The following ADORA1 variants were observed in gnomAD, a reference collection of about 807,000 sequenced individuals.
ADORA1 encodes the protein adenosine A1 receptor.
A neutral mutation model predicts 19.9 loss-of-function variants in ADORA1; 6 were observed. That is an observed-to-expected ratio of 0.30 (90% confidence interval 0.17 to 0.59). The LOEUF (loss-of-function observed/expected upper bound fraction) is 0.59, where lower values mean the gene tolerates loss of function less well. Ranked by LOEUF, ADORA1 falls within the 20% of genes least tolerant of loss-of-function variation. ADORA1 has a pLI of 0.87. For missense variants in ADORA1, 302 were observed against 439.2 expected (o/e 0.69, Z 2.79); for synonymous variants, 194 against 188.4 (o/e 1.03, Z -0.24).
At chr1:203,143,194 A>G (rs1654749459) in intron 3 of ADORA1, among the ~76,000 whole-genome samples, 1 of 152,214 alleles carries the variant, frequency 6.6e-6, no homozygotes, top group African/African-American at 2.4e-5. Context: ...GGGAAGTCCA[A>G]GAGCACAGTG....
intron 3 of ADORA1, among the ~76,000 whole-genome samples, chr1:203,142,825 T>A (rs557395907): frequency 6.6e-6 from 1 of 152,168 alleles, no homozygotes; most frequent in East Asian, 1.9e-4. Flanking sequence ...AAGTGAGGGC[T>A]CCCCTGGGGC....
intron 3 of ADORA1, among the ~76,000 whole-genome samples, chr1:203,134,379 A>G (rs1352565972): frequency 6.6e-6 from 1 of 152,234 alleles, no homozygotes; most frequent in African/African-American, 2.4e-5. Flanking sequence ...TTGCTTTGTG[A>G]TTGAGAAGAT....
chr1:203,130,556 G>A (rs1002209152), intron 3 of ADORA1, among the ~76,000 whole-genome samples: 2 of 152,220 alleles, frequency 1.3e-5, no homozygotes, highest in African/African-American at 4.8e-5. Context: ...CTCATCCACT[G>A]AGGGGCCCAC....
rs1356692469 is a variant in ADORA1, at chr1:203,151,441, G to T, written c.342-13820G>T. 4.6e-5 allele frequency among the ~76,000 whole-genome samples: 7 copies of T among 152,228 alleles called. No homozygotes were observed. In the East Asian group the frequency reaches 5.8e-4, roughly 13 times the overall value. Reference sequence around the variant, plus strand: ...TGTGAAATAGATATGGAAACCATGTGACTGGCCTTCCAAAGTGAAACAGAA... The same window carrying T: ...TGTGAAATAGATATGGAAACCATGTTACTGGCCTTCCAAAGTGAAACAGAA... On this transcript the variant is annotated intron_variant, in intron 3 of 3. Coordinates refer to ENST00000337894, the MANE Select transcript of ADORA1 (RefSeq NM_000674.3).
At chr1:203,158,714 G>A (rs975241967) in intron 3 of ADORA1, among the ~76,000 whole-genome samples, 3 of 152,290 alleles carry the variant, frequency 2.0e-5, no homozygotes, top group South Asian at 2.1e-4. Context: ...CTGAAACTGG[G>A]TAATTTATAA....
intron 3 of ADORA1, among the ~76,000 whole-genome samples, chr1:203,149,068 G>A (rs1654950903): frequency 6.6e-6 from 1 of 152,072 alleles, no homozygotes; most frequent in Admixed American, 6.6e-5. Context: ...AGTAGAGACA[G>A]GGTTTCACCA....
rs1048196349 is a variant in ADORA1 at position 203,167,100 on chromosome 1, G to A, written c.*1200G>A. On this transcript the variant is annotated 3_prime_UTR_variant, in exon 4 of 4. Transcript: ENST00000337894. Reference sequence around the variant, plus strand: ...GGGTCTAGGACTTTAGGGATCTGGGGAAGGACCAACCCATGCCCTGCCAAG... The same window carrying A: ...GGGTCTAGGACTTTAGGGATCTGGGAAAGGACCAACCCATGCCCTGCCAAG... The A allele has an allele frequency of 2.0e-5, 3 of 152,626 alleles. No individual in the cohort carries two copies. Among genetic ancestry groups the A allele is most frequent in the African/African-American group, 7.2e-5 (3 of 41,412 alleles). 9.5% of individuals were successfully genotyped at this position (152,626 alleles called of 1,614,324 possible).
At chr1:203,149,430 G>A (rs146614740) in intron 3 of ADORA1, among the ~76,000 whole-genome samples, 1 of 152,272 alleles carries the variant, frequency 6.6e-6, no homozygotes, top group East Asian at 1.9e-4. Flanking sequence ...ACTGCCAGCA[G>A]CTAACATGCT....
At chr1:203,140,483 T>C (rs1654645431) in intron 3 of ADORA1, among the ~76,000 whole-genome samples, 1 of 152,120 alleles carries the variant, frequency 6.6e-6, no homozygotes, top group African/African-American at 2.4e-5. Context: ...ACGATTCAGA[T>C]CCTATTAGGT....
At chr1:203,154,101 A>G (rs878941880) in intron 3 of ADORA1, among the ~76,000 whole-genome samples, 1 of 152,216 alleles carries the variant, frequency 6.6e-6, no homozygotes, top group Non-Finnish European at 1.5e-5. Context: ...CATGAGGAGC[A>G]GGTGATGAGA....
intron 3 of ADORA1, among the ~76,000 whole-genome samples, chr1:203,141,693 G>T (rs1654698427): frequency 7.0e-6 from 1 of 143,370 alleles, no homozygotes; most frequent in African/African-American, 2.6e-5. Flanking sequence ...TGATTCTCCT[G>T]CCTCAGCCTC....
At chr1:203,161,728 C>T (rs193230487) in intron 3 of ADORA1, among the ~76,000 whole-genome samples, 1 of 152,202 alleles carries the variant, frequency 6.6e-6, no homozygotes, top group East Asian at 1.9e-4. Flanking sequence ...TGCACCACCA[C>T]GCCTGACTAA....
At position 203,165,674 on chromosome 1, in the gene ADORA1, T is replaced by C. The variant is rs145245940; in HGVS notation, c.755T>C (p.Ile252Thr). ...GCCCTCAGCTGGCTGCCTTTGCACATCCTCAACTGCATCACCCTCTTCTGC... is the reference window on the plus strand; with the variant it reads ...GCCCTCAGCTGGCTGCCTTTGCACACCCTCAACTGCATCACCCTCTTCTGC... ...LFALSWLPLH[I>T]LNCITLFCPS... Residue 252 changes from isoleucine to threonine, a missense_variant, in exon 4 of 4, where the codon ATC (isoleucine) becomes ACC (threonine). Coordinates refer to ENST00000337894, the MANE Select transcript of ADORA1 (RefSeq NM_000674.3). This position sits in a 1 kb window ranked among gnomAD's most constrained non-coding sequence, Gnocchi z 5.9. The C allele has an allele frequency of 6.2e-7, 1 of 1,609,554 alleles. No individual in the cohort carries two copies. The highest frequency in any genetic ancestry group is 8.5e-7 in the Non-Finnish European group (1 of 1,176,818).
intron 3 of ADORA1, among the ~76,000 whole-genome samples, chr1:203,146,891 G>T (rs1654875399): frequency 1.3e-5 from 2 of 152,200 alleles, no homozygotes; most frequent in Admixed American, 6.5e-5. Flanking sequence ...ATCCCACATG[G>T]TCCACAGAGG....
chr1:203,132,308 C>T lies in ADORA1; in HGVS notation c.341+3126C>T, dbSNP rs151074086. ...TTGGTGGCAATTTGGTGCCTACTCC[C>T]GAGGGCTAGTTGTAGGGAAGTGTGC... On this transcript the variant is annotated intron_variant, in intron 3 of 3. Transcript: ENST00000337894. Among the ~76,000 whole-genome samples the T allele has an allele frequency of 7.9e-5, 12 of 152,220 alleles. No homozygotes were observed. The East Asian group carries it at 1.2e-3, about 15-fold the overall frequency.
At chr1:203,157,269 G>C (rs747602096) in intron 3 of ADORA1, among the ~76,000 whole-genome samples, 30 of 152,192 alleles carry the variant, frequency 2.0e-4, no homozygotes, top group Admixed American at 7.9e-4. Flanking sequence ...ATACAATGGT[G>C]GGACAGGAAT....
At chr1:203,164,670 T>G (rs1655475879) in intron 3 of ADORA1, among the ~76,000 whole-genome samples, 1 of 149,838 alleles carries the variant, frequency 6.7e-6, no homozygotes, top group Admixed American at 6.7e-5. Flanking sequence ...GGAAGGGGGG[T>G]TGTGTGAAAG....
chr1:203,157,066 C>T (rs552850193), intron 3 of ADORA1, among the ~76,000 whole-genome samples: 7 of 152,346 alleles, frequency 4.6e-5, no homozygotes, highest in Middle Eastern at 6.8e-3. Context: ...ATGTCCTTCT[C>T]GCATGCAAAA....
chr1:203,155,137 G>T (rs143572190), intron 3 of ADORA1, among the ~76,000 whole-genome samples: 1 of 151,862 alleles, frequency 6.6e-6, no homozygotes, highest in Non-Finnish European at 1.5e-5. Context: ...CACCTCCCAG[G>T]TTCAAGCGAT....
Sources: gnomAD v4.1 joint callset for allele counts (sites outside exome capture counted in the v4.1 genomes callset) on GRCh38, gnomAD v4.1.1 for gene constraint, Gnocchi (gnomAD v3.1) non-coding constraint, MANE v1.5 for transcripts, NCBI Gene and HGNC (gene_info 2026-07-23, HGNC 2026-07-21) for gene names.